Variants in DCUN1D2 observed in about 807,000 individuals in gnomAD.
DCUN1D2 encodes the protein defective in cullin neddylation 1 domain containing 2.
A neutral mutation model predicts 30.9 loss-of-function variants in DCUN1D2; 29 were observed. The ratio of observed to expected loss-of-function variants is 0.94; its 90% CI spans 0.70 to 1.28. The LOEUF is 1.28. DCUN1D2 is among the 50% of genes most tolerant of loss of function. The pLI is 0.00. For missense variants in DCUN1D2, 325 were observed against 316.9 expected (o/e 1.03, Z -0.19); for synonymous variants, 121 against 115.3 (o/e 1.05, Z -0.32).
At chr13:113,462,781 T>C (rs1349058326) in intron 4 of DCUN1D2, 5 of 1,123,634 alleles carry the variant, frequency 4.4e-6, no homozygotes, top group African/African-American at 1.7e-5. Flanking sequence ...TGATTAGTCT[T>C]GTCCTGCTTA....
At chr13:113,486,549 T>TA (rs1566508373) in intron 1 of DCUN1D2, among the ~76,000 whole-genome samples, 2 of 152,138 alleles carry the variant, frequency 1.3e-5, no homozygotes, top group East Asian at 1.9e-4. Context: ...ACTAAACACT[T>TA]AAGAGAATGG....
intron 3 of DCUN1D2, among the ~76,000 whole-genome samples, chr13:113,474,971 T>G (rs1202470004): frequency 1.3e-5 from 2 of 152,212 alleles, no homozygotes; most frequent in Admixed American, 1.3e-4. Context: ...TCAATAACCT[T>G]TAAAAACAGT....
In DCUN1D2 at chr13:113,459,391, TG is replaced by T; in HGVS notation, c.620del (p.Ser207Ter). The T allele has an allele frequency of 6.4e-7, 1 of 1,566,944 alleles. No individual in the cohort carries two copies. The highest frequency in any genetic ancestry group is 8.8e-7 in the Non-Finnish European group (1 of 1,137,162). On this transcript the variant is annotated frameshift_variant, in exon 6 of 7. Transcript: ENST00000478244. LOFTEE classifies it high-confidence loss of function. ...NTFLMEHHKR[S>X]IPRDTWNLLL... The stretch of plus-strand genomic sequence containing the variant: ...GGAGGTTCCAGGTGTCCCTTGGAAT[TG>T]ATCTTTTGTGATGTTCCTAATATAT...
chr13:113,458,243 G>T (rs1410246855), intron 6 of DCUN1D2, 135 bp from the exon 7 acceptor site: 4 of 787,654 alleles, frequency 5.1e-6, no homozygotes, highest in Non-Finnish European at 4.3e-6. Flanking sequence ...GTGTTTCACA[G>T]AATGAACCAG....
chr13:113,456,036 T>C lies in DCUN1D2; in HGVS notation c.*1993A>G. The C allele has an allele frequency of 2.5e-6, 1 of 396,662 alleles. No individual in the cohort carries two copies. Among genetic ancestry groups the C allele is most frequent in the Non-Finnish European group, 4.4e-6 (1 of 225,388 alleles). 24.6% of individuals were successfully genotyped at this position (396,662 alleles called of 1,614,324 possible). A position where few individuals can be genotyped will look rare whatever the true frequency, so the allele number is the denominator to read the frequency against. Reference sequence around the variant, plus strand: ...TTTATACAGAATTATGTGAATTCTATAAACTTTTCTGAACAAAACAATTAC... The same window carrying C: ...TTTATACAGAATTATGTGAATTCTACAAACTTTTCTGAACAAAACAATTAC... On this transcript the variant is annotated 3_prime_UTR_variant, in exon 7 of 7. Transcript: ENST00000478244.
Position 113,456,706 on chromosome 13 carries a change from G to C in DCUN1D2, c.*1323C>G. 1 of 221,146 alleles carries C rather than the reference G, an allele frequency of 4.5e-6. No homozygotes were observed. The highest frequency in any genetic ancestry group is 8.8e-6 in the Non-Finnish European group (1 of 113,798). The allele number at this position is 221,146 out of a possible 1,614,324, so 13.7% of individuals were successfully genotyped here. On this transcript the variant is annotated 3_prime_UTR_variant, in exon 7 of 7. Coordinates refer to ENST00000478244, the MANE Select transcript of DCUN1D2 (RefSeq NM_001014283.2). The stretch of plus-strand genomic sequence containing the variant: ...CACGAGAAACAGATGATAACATGGT[G>C]CAAGGACAGACTTCAGCTCACCAAT...
chr13:113,459,227 G>C, intron 6 of DCUN1D2, 85 bp downstream of exon 6: 1 of 751,048 alleles, frequency 1.3e-6, no homozygotes, highest in South Asian at 1.5e-5. Context: ...TCTCAGTGAC[G>C]GGGTCACCAC....
chr13:113,484,155 C>T, intron 1 of DCUN1D2, 99 bp from the exon 2 acceptor site: 1 of 1,545,188 alleles, frequency 6.5e-7, no homozygotes, highest in Non-Finnish European at 8.7e-7. Context: ...GAATTAGAGA[C>T]AAAGCCTTGC....
chr13:113,458,907 G>C (rs554751777), intron 6 of DCUN1D2, among the ~76,000 whole-genome samples: 2 of 152,248 alleles, frequency 1.3e-5, no homozygotes, highest in East Asian at 3.9e-4. Flanking sequence ...TCCTAAACAC[G>C]GGGGGAGACA....
chr13:113,480,872 A>C, intron 2 of DCUN1D2, 129 bp from the exon 3 acceptor site: 2 of 835,164 alleles, frequency 2.4e-6, no homozygotes, highest in Non-Finnish European at 3.6e-6. Flanking sequence ...ACATCAATCA[A>C]TAGGCTGCAG....
intron 1 of DCUN1D2, chr13:113,489,228 G>A (rs2044869404): frequency 2.6e-6 from 2 of 781,346 alleles, no homozygotes; most frequent in Non-Finnish European, 3.1e-6. Context: ...AACCTCGGCA[G>A]CAGTGGAACG....
Position 113,477,539 on chromosome 13 carries a change from G to A in DCUN1D2, c.389+3036C>T, listed in dbSNP as rs145383854. On this transcript the variant is annotated intron_variant, in intron 3 of 6. Transcript: ENST00000478244. ...AATATTTTACCCATAGGGTGGACTA[G>A]CTATGATCTCCTGTTTAATACTGAA... Among the ~76,000 whole-genome samples, 10 of 152,252 alleles carry A rather than the reference G, an allele frequency of 6.6e-5. No homozygotes were observed. The East Asian group carries it at 1.7e-3, about 26-fold the overall frequency.
In DCUN1D2 at chr13:113,484,026, C is replaced by T. The variant is rs1276981084; in HGVS notation, c.34G>A (p.Val12Ile). ...TGAGTGCACGCCATAAACTGGCGGA[C>T]CTTGTCCTTCTGAGACGATTTAAGC... ...HKLKSSQKDK[V>I]RQFMACTQAG... Residue 12 changes from valine to isoleucine, a missense_variant, in exon 2 of 7, where the codon GTC becomes ATC. Coordinates refer to ENST00000478244, the MANE Select transcript of DCUN1D2 (RefSeq NM_001014283.2). 1.9e-6 allele frequency: 3 copies of T among 1,613,980 alleles called. No individual in the cohort carries two copies. The highest frequency in any genetic ancestry group is 2.5e-6 in the Non-Finnish European group (3 of 1,180,058).
At position 113,458,142 on chromosome 13, in the gene DCUN1D2, G is replaced by C. The variant is rs368766499; in HGVS notation, c.701-34C>G. ...AAGCAAGCAAACAGAAAACCCGTTAGAGCACCGTTTTTATCTCCAAAGCAC... is the reference window on the plus strand; with the variant it reads ...AAGCAAGCAAACAGAAAACCCGTTACAGCACCGTTTTTATCTCCAAAGCAC... On this transcript the variant is annotated intron_variant, in intron 6 of 6. Transcript: ENST00000478244. 593 of 1,578,422 alleles carry C rather than the reference G, an allele frequency of 3.8e-4. 6 individuals carry two copies. In the South Asian group the frequency reaches 4.4e-3, roughly 12 times the overall value.
chr13:113,485,724 G>A (rs2044790734), intron 1 of DCUN1D2, among the ~76,000 whole-genome samples: 1 of 151,860 alleles, frequency 6.6e-6, no homozygotes, highest in African/African-American at 2.4e-5. Context: ...CGATTCTGCA[G>A]AGGCATTAAG....
At chr13:113,489,711 A>G (rs2044892474) in intron 1 of DCUN1D2, among the ~76,000 whole-genome samples, 1 of 151,828 alleles carries the variant, frequency 6.6e-6, no homozygotes, top group Non-Finnish European at 1.5e-5. Flanking sequence ...GGGTCTGTGC[A>G]TTCTGTTTCT....
intron 4 of DCUN1D2, among the ~76,000 whole-genome samples, chr13:113,469,144 G>GCACACACACACA (rs151101835): frequency 4.6e-4 from 68 of 148,156 alleles, no homozygotes; most frequent in African/African-American, 1.6e-3. Flanking sequence ...CTACACGCCT[G>GCACACACACACA]CACACACACA....
At chr13:113,460,239 A>G (rs9577274) in intron 5 of DCUN1D2, among the ~76,000 whole-genome samples, 32,077 of 152,184 alleles carry the variant, frequency 0.21, 3,999 homozygotes, top group African/African-American at 0.35. Context: ...CTCTCTGGGT[A>G]CCATTCCCAG....
intron 3 of DCUN1D2, chr13:113,475,866 C>T (rs961216470): frequency 6.6e-6 from 1 of 152,332 alleles, no homozygotes; most frequent in African/African-American, 2.4e-5. Flanking sequence ...TCAGCCTCCT[C>T]TTCCCTCCGG....
Sources: allele counts gnomAD v4.1 joint callset (sites outside exome capture counted in the v4.1 genomes callset), GRCh38; gene constraint gnomAD v4.1.1; transcripts MANE v1.5; gene names NCBI Gene and HGNC (gene_info 2026-07-23, HGNC 2026-07-21).